The following FHIT variants were observed in gnomAD, a reference collection of about 807,000 sequenced individuals.
FHIT encodes bis(5'-adenosyl)-triphosphatase.
A neutral mutation model predicts 17.9 loss-of-function variants in FHIT; 19 were observed. The ratio of observed to expected loss-of-function variants is 1.06; its 90% confidence interval spans 0.74 to 1.56. FHIT has a LOEUF of 1.56. Ranked by LOEUF, FHIT falls within the 40% of genes most tolerant of loss-of-function variation. The probability of loss-of-function intolerance (pLI) is 0.00; values close to 1 mark genes in which losing one functional copy is unlikely to be tolerated. For synonymous variants in FHIT, 81 were observed against 69.7 expected, an observed-to-expected ratio of 1.16 and a Z score of -0.81; for missense variants, 248 against 189.2, an observed-to-expected ratio of 1.31 and a Z score of -1.82.
intron 4 of FHIT, among the ~76,000 whole-genome samples, chr3:60,591,406 C>A (rs1483681176): frequency 6.6e-6 from 1 of 152,006 alleles, no homozygotes; most frequent in Non-Finnish European, 1.5e-5. Context: ...ACGTATTTTC[C>A]TTCCTTGGTG....
At chr3:60,558,005 C>T (rs530516037) in intron 4 of FHIT, among the ~76,000 whole-genome samples, 18 of 152,124 alleles carry the variant, frequency 1.2e-4, no homozygotes, top group African/African-American at 3.9e-4. Context: ...TTTTAAAAAA[C>T]GCTTCTCTTG....
In FHIT at chr3:60,881,425, C is replaced by T. The variant is rs1240638488; in HGVS notation, c.-110-59414G>A. On this transcript the variant is annotated intron_variant, in intron 3 of 9. Coordinates refer to ENST00000492590, the MANE Select transcript of FHIT (RefSeq NM_002012.4). ...ACATTGAGTTTATACTGCATTTTAG[C>T]TCAAATGGACCTAGCAGACATTTAC... Among the ~76,000 whole-genome samples the T allele has an allele frequency of 2.0e-5, 3 of 152,156 alleles. No individual in the cohort carries two copies. The East Asian group carries it at 5.8e-4, about 29-fold the overall frequency.
chr3:59,933,558 G>A (rs1706077407), intron 7 of FHIT, among the ~76,000 whole-genome samples: 1 of 152,126 alleles, frequency 6.6e-6, no homozygotes, highest in African/African-American at 2.4e-5. Context: ...GCCGAGTTAA[G>A]ATTCTAAGTC....
chr3:60,637,406 A>G (rs567019347), intron 4 of FHIT, among the ~76,000 whole-genome samples: 23 of 152,294 alleles, frequency 1.5e-4, no homozygotes, highest in African/African-American at 5.1e-4. Flanking sequence ...CTAGTACTCA[A>G]TATGGTACCT....
intron 5 of FHIT, among the ~76,000 whole-genome samples, chr3:60,396,968 T>G (rs1431691071): frequency 2.0e-5 from 3 of 152,170 alleles, no homozygotes; most frequent in Admixed American, 2.0e-4. Context: ...GGAAGGGGCT[T>G]TATTATTACT....
At chr3:60,188,144 C>T (rs1236566673) in intron 5 of FHIT, among the ~76,000 whole-genome samples, 1 of 149,296 alleles carries the variant, frequency 6.7e-6, no homozygotes, top group East Asian at 2.0e-4. Context: ...CAACATAGTA[C>T]AATCCATTGA....
At position 60,089,396 on chromosome 3, in the gene FHIT, T is replaced by C. The variant is rs148205834; in HGVS notation, c.104-75244A>G. On this transcript the variant is annotated intron_variant, in intron 5 of 9. Transcript: ENST00000492590. The stretch of plus-strand genomic sequence containing the variant: ...GGAAGGAACCATGATTCCCTGTCCA[T>C]TGTTGTACATCCACTACACAGCACA... 5.4e-4 allele frequency among the ~76,000 whole-genome samples: 83 copies of C among 152,296 alleles called. 1 individual carries two copies. The East Asian group carries it at 0.014, about 26-fold the overall frequency.
intron 3 of FHIT, among the ~76,000 whole-genome samples, chr3:60,832,609 C>CT (rs1553742863): frequency 6.6e-6 from 1 of 151,784 alleles, no homozygotes; most frequent in Non-Finnish European, 1.5e-5. Context: ...GTCAGACATA[C>CT]GTGGTCACAA....
At chr3:59,838,758 T>A (rs1056489562) in intron 8 of FHIT, among the ~76,000 whole-genome samples, 5 of 152,162 alleles carry the variant, frequency 3.3e-5, no homozygotes, top group Non-Finnish European at 7.4e-5. Context: ...AGCATGAAAC[T>A]CAAGCAAAAG....
intron 5 of FHIT, among the ~76,000 whole-genome samples, chr3:60,499,379 A>T (rs998485208): frequency 6.6e-6 from 1 of 151,984 alleles, no homozygotes; most frequent in Non-Finnish European, 1.5e-5. Flanking sequence ...CTTCCTCACC[A>T]TGCTTCACCC....
intron 7 of FHIT, among the ~76,000 whole-genome samples, chr3:59,946,036 A>G (rs1005153798): frequency 6.6e-6 from 1 of 152,198 alleles, no homozygotes; most frequent in African/African-American, 2.4e-5. Context: ...TATGAATTTT[A>G]GAATAAATTT....
chr3:60,157,111 T>G (rs2107350936), intron 5 of FHIT, among the ~76,000 whole-genome samples: 1 of 152,274 alleles, frequency 6.6e-6, no homozygotes, highest in Admixed American at 6.5e-5. Context: ...TTATAAACAT[T>G]TATTGATTTA....
chr3:59,931,671 A>AAATTCAG (rs1705977492), intron 7 of FHIT, among the ~76,000 whole-genome samples: 2 of 152,218 alleles, frequency 1.3e-5, no homozygotes, highest in South Asian at 4.1e-4. Flanking sequence ...AAATAAAAAA[A>AAATTCAG]AATTCAGTTT....
intron 5 of FHIT, among the ~76,000 whole-genome samples, chr3:60,091,743 G>C (rs575031565): frequency 6.6e-6 from 1 of 151,958 alleles, no homozygotes; most frequent in Non-Finnish European, 1.5e-5. Flanking sequence ...AAAAGTGTGC[G>C]GCACCTCCCA....
At chr3:60,461,882 T>A (rs989585483) in intron 5 of FHIT, among the ~76,000 whole-genome samples, 1 of 152,262 alleles carries the variant, frequency 6.6e-6, no homozygotes, top group Admixed American at 6.5e-5. Context: ...AGATTGAAAT[T>A]GATTTTAAAA....
intron 8 of FHIT, among the ~76,000 whole-genome samples, chr3:59,762,901 C>G (rs1488163593): frequency 1.3e-5 from 2 of 152,218 alleles, no homozygotes; most frequent in Non-Finnish European, 2.9e-5. Flanking sequence ...CCTCAGGCCT[C>G]TGTTTCTAAA....
chr3:60,355,178 A>G (rs1456059410), intron 5 of FHIT, among the ~76,000 whole-genome samples: 2 of 152,088 alleles, frequency 1.3e-5, no homozygotes, highest in Non-Finnish European at 2.9e-5. Flanking sequence ...TGTAACCTCC[A>G]CTCGTCATGT....
At chr3:61,081,911 C>CT (rs767676172) in intron 2 of FHIT, among the ~76,000 whole-genome samples, 25 of 152,074 alleles carry the variant, frequency 1.6e-4, no homozygotes, top group Non-Finnish European at 3.1e-4. Flanking sequence ...CTAACACTCC[C>CT]ATATTAAATC....
intron 8 of FHIT, among the ~76,000 whole-genome samples, chr3:59,781,261 C>G (rs907075777): frequency 2.0e-5 from 3 of 152,178 alleles, no homozygotes; most frequent in Non-Finnish European, 4.4e-5. Context: ...CAAATAAGAG[C>G]ATTGCTAAGT....
Sources: gnomAD v4.1 joint callset for allele counts (sites outside exome capture counted in the v4.1 genomes callset) on GRCh38, gnomAD v4.1.1 for gene constraint, MANE v1.5 for transcripts, NCBI Gene and HGNC (gene_info 2026-07-23, HGNC 2026-07-21) for gene names.